Variants in ANK3 observed in about 807,000 individuals in gnomAD.
The protein encoded by ANK3 is ankyrin-3.
ANK3 carries 57 observed loss-of-function variants against 370.9 expected under a neutral mutation model. The ratio of observed to expected loss-of-function variants is 0.15; its 90% confidence interval spans 0.12 to 0.19. The LOEUF (loss-of-function observed/expected upper bound fraction) is 0.19, where lower values mean the gene tolerates loss of function less well. Ranked by LOEUF, ANK3 falls within the 10% of genes least tolerant of loss-of-function variation. The probability of loss-of-function intolerance (pLI) is 1.00; values close to 1 mark genes in which losing one functional copy is unlikely to be tolerated. For missense variants in ANK3, 4,439 were observed against 5,302.1 expected, an observed-to-expected ratio of 0.84 and a Z score of 5.06; for synonymous variants, 1,929 against 1,946.3, an observed-to-expected ratio of 0.99 and a Z score of 0.23.
chr10:60,684,903 T>C, intron 1 of ANK3: 1 of 1,493,018 alleles, frequency 6.7e-7, no homozygotes, highest in East Asian at 2.3e-5. Context: ...TTACAGTTGC[T>C]AATAAACAAG....
chr10:60,066,722 A>G (rs1274849821), intron 38 of ANK3, among the ~76,000 whole-genome samples: 1 of 152,146 alleles, frequency 6.6e-6, no homozygotes, highest in African/African-American at 2.4e-5. Context: ...TATGTTGCTA[A>G]TGGTATGCAG....
At chr10:60,066,153 A>G (rs2081595819) in intron 38 of ANK3, among the ~76,000 whole-genome samples, 1 of 152,202 alleles carries the variant, frequency 6.6e-6, no homozygotes, top group Non-Finnish European at 1.5e-5. Flanking sequence ...CTGTGTCTTA[A>G]GAGACAATAC....
intron 2 of ANK3, among the ~76,000 whole-genome samples, chr10:60,543,199 T>C (rs1453215444): frequency 1.3e-5 from 2 of 151,912 alleles, no homozygotes; most frequent in Non-Finnish European, 2.9e-5. Flanking sequence ...AGATGTCCCA[T>C]ATATGACTGA....
At chr10:60,056,203 C>T (rs1022914329) in intron 41 of ANK3, among the ~76,000 whole-genome samples, 167 bp from the exon 42 acceptor site, 1 of 152,234 alleles carries the variant, frequency 6.6e-6, no homozygotes, top group Non-Finnish European at 1.5e-5. Flanking sequence ...GGCGCAGTGG[C>T]TCATGCCTGT....
intron 23 of ANK3, among the ~76,000 whole-genome samples, chr10:60,147,728 C>G (rs1025186404): frequency 3.3e-5 from 5 of 152,148 alleles, no homozygotes; most frequent in African/African-American, 1.2e-4. Flanking sequence ...CCTGCACCGG[C>G]CTTGTAAAGT....
At chr10:60,509,560 T>C (rs758172485) in intron 2 of ANK3, among the ~76,000 whole-genome samples, 1 of 152,192 alleles carries the variant, frequency 6.6e-6, no homozygotes, top group African/African-American at 2.4e-5. Flanking sequence ...CATAGATTCA[T>C]GAGTTAAGAC....
chr10:60,158,761 C>T (rs890674596), intron 23 of ANK3, among the ~76,000 whole-genome samples: 3 of 149,212 alleles, frequency 2.0e-5, no homozygotes, highest in East Asian at 4.0e-4. Flanking sequence ...CTGCAATCTC[C>T]GCCTTCCAGG....
At chr10:60,389,087 G>A (rs750295953) in intron 1 of ANK3, among the ~76,000 whole-genome samples, 4 of 151,980 alleles carry the variant, frequency 2.6e-5, no homozygotes, top group South Asian at 4.2e-4. Context: ...CCAAGTCACC[G>A]CAGTGCATTT....
chr10:60,698,120 A>G (rs2079489157), intron 1 of ANK3, among the ~76,000 whole-genome samples: 1 of 152,090 alleles, frequency 6.6e-6, no homozygotes, highest in South Asian at 2.1e-4. Flanking sequence ...TCAAAAGAAG[A>G]CATTTATGCA....
At chr10:60,363,581 T>A (rs1191994441) in intron 1 of ANK3, among the ~76,000 whole-genome samples, 3 of 152,208 alleles carry the variant, frequency 2.0e-5, no homozygotes, top group Non-Finnish European at 4.4e-5. Context: ...GGCGCGTGGC[T>A]AAGTGTACAG....
chr10:60,358,370 G>A (rs563538478), intron 1 of ANK3, among the ~76,000 whole-genome samples: 2 of 152,164 alleles, frequency 1.3e-5, no homozygotes, highest in Non-Finnish European at 2.9e-5. Context: ...AGACACTGTT[G>A]GTTGGCCACA....
chr10:60,079,654 C>T (rs1835669805), intron 36 of ANK3, among the ~76,000 whole-genome samples: 1 of 152,126 alleles, frequency 6.6e-6, no homozygotes, highest in Non-Finnish European at 1.5e-5. Context: ...ATAATTTCCC[C>T]TCATTTAAAA....
chr10:60,156,499 A>G (rs10821690), intron 23 of ANK3, among the ~76,000 whole-genome samples: 4,726 of 152,092 alleles, frequency 0.031, 204 homozygotes, highest in African/African-American at 0.091. Context: ...AAGGCTTTAC[A>G]TGTGACCCTG....
At chr10:60,430,390 T>G (rs912411207) in intron 2 of ANK3, among the ~76,000 whole-genome samples, 4 of 152,158 alleles carry the variant, frequency 2.6e-5, no homozygotes, top group Non-Finnish European at 5.9e-5. Context: ...GTGGTATCGG[T>G]GGTCCATAGA....
chr10:60,343,973 C>T (rs1415680198), intron 1 of ANK3, among the ~76,000 whole-genome samples: 2 of 152,222 alleles, frequency 1.3e-5, no homozygotes, highest in African/African-American at 2.4e-5. Flanking sequence ...GCCAGTTCTG[C>T]ACATCCATGG....
chr10:60,717,110 T>C (rs2079801903), intron 1 of ANK3, among the ~76,000 whole-genome samples: 1 of 152,138 alleles, frequency 6.6e-6, no homozygotes, highest in Admixed American at 6.5e-5. Flanking sequence ...ACAATCACAA[T>C]GTAAAGCAAT....
chr10:60,526,392 T>C (rs2133191790), intron 2 of ANK3, among the ~76,000 whole-genome samples: 1 of 152,244 alleles, frequency 6.6e-6, no homozygotes, highest in East Asian at 1.9e-4. Context: ...GATTATAAAA[T>C]ATAACATTAT....
intron 8 of ANK3, among the ~76,000 whole-genome samples, chr10:60,223,473 GA>G: frequency 6.6e-6 from 1 of 152,194 alleles, no homozygotes. Flanking sequence ...TATCTCTGAG[GA>G]CAAGATTACC....
Position 60,240,016 on chromosome 10 carries a change from C to T in ANK3, c.799-5230G>A, listed in dbSNP as rs1183919987. 4.2e-5 allele frequency among the ~76,000 whole-genome samples: 6 copies of T among 141,714 alleles called. No individual in the cohort carries two copies. In the East Asian group the frequency reaches 5.9e-4, roughly 14 times the overall value. 93.0% of individuals were successfully genotyped at this position (141,714 alleles called of 152,430 possible). A position where few individuals can be genotyped will look rare whatever the true frequency, so the allele number is the denominator to read the frequency against. ...ATATATGTATGTGTGAATATATACA[C>T]ATATATACACATATATATACACATA... On this transcript the variant is annotated intron_variant, in intron 7 of 43. Transcript: ENST00000280772.
Sources: allele counts gnomAD v4.1 joint callset (sites outside exome capture counted in the v4.1 genomes callset), GRCh38; gene constraint gnomAD v4.1.1; transcripts MANE v1.5; gene names NCBI Gene and HGNC (gene_info 2026-07-23, HGNC 2026-07-21).